CNBD1: variants seen among roughly 807,000 people sequenced by gnomAD.
CNBD1 encodes the protein cyclic nucleotide-binding domain-containing protein 1.
A neutral mutation model predicts 54.4 loss-of-function variants in CNBD1; 71 were observed. That is an observed-to-expected ratio of 1.30 (90% CI 1.08 to 1.59). CNBD1 has a LOEUF of 1.59. Among genes scored for constraint, CNBD1 ranks in the 40% most tolerant of loss-of-function variants. The probability of loss-of-function intolerance (pLI) is 0.00; values close to 1 mark genes in which losing one functional copy is unlikely to be tolerated. For missense variants in CNBD1, 659 were observed against 518.0 expected (o/e 1.27, Z -2.64); for synonymous variants, 182 against 170.7 (o/e 1.07, Z -0.51).
chr8:86,934,307 C>A (rs552223578), intron 3 of CNBD1, among the ~76,000 whole-genome samples: 7 of 152,098 alleles, frequency 4.6e-5, no homozygotes, highest in Non-Finnish European at 1.0e-4. Context: ...TGCCTTCGTG[C>A]ATTCATATGT....
chr8:86,904,585 A>C (rs1808988067), intron 2 of CNBD1, among the ~76,000 whole-genome samples: 1 of 152,062 alleles, frequency 6.6e-6, no homozygotes, highest in South Asian at 2.1e-4. Flanking sequence ...TACTTACAAA[A>C]AGCATCGTAG....
intron 6 of CNBD1, among the ~76,000 whole-genome samples, chr8:87,277,131 A>G (rs1026370998): frequency 4.6e-5 from 7 of 151,680 alleles, no homozygotes; most frequent in Non-Finnish European, 1.0e-4. Flanking sequence ...ATAAGGAATT[A>G]GCTCAGGTAA....
intron 4 of CNBD1, among the ~76,000 whole-genome samples, chr8:87,106,899 G>A (rs1284165096): frequency 6.6e-6 from 1 of 151,312 alleles, no homozygotes; most frequent in Admixed American, 6.6e-5. Context: ...GTGTGATCTC[G>A]GCTTACTGCA....
At chr8:87,379,139 C>T (rs1376425614) in intron 10 of CNBD1, among the ~76,000 whole-genome samples, 1 of 151,648 alleles carries the variant, frequency 6.6e-6, no homozygotes, top group Non-Finnish European at 1.5e-5. Context: ...AATTGAATAC[C>T]CTTTATTTCC....
rs1188268209 is a variant in CNBD1, at chr8:87,264,262, C to T, written c.772-20416C>T. 4.6e-5 allele frequency among the ~76,000 whole-genome samples: 7 copies of T among 151,044 alleles called. No individual in the cohort carries two copies. In the East Asian group the frequency reaches 9.9e-4, roughly 21 times the overall value. On this transcript the variant is annotated intron_variant, in intron 6 of 10. Transcript: ENST00000518476. ...AACATGTGGTGTTTGGTTTTTTTGTCCTTGCGATAGTTTGCTGAGAACGAT... is the reference window on the plus strand; with the variant it reads ...AACATGTGGTGTTTGGTTTTTTTGTTCTTGCGATAGTTTGCTGAGAACGAT...
intron 8 of CNBD1, among the ~76,000 whole-genome samples, chr8:87,349,633 C>T (rs940044681): frequency 2.6e-5 from 4 of 152,178 alleles, no homozygotes; most frequent in Non-Finnish European, 5.9e-5. Context: ...CCTCGGCCTC[C>T]CAAAGTGCTG....
chr8:87,105,387 C>G (rs1025249079), intron 4 of CNBD1, among the ~76,000 whole-genome samples: 2 of 152,052 alleles, frequency 1.3e-5, no homozygotes, highest in African/African-American at 4.8e-5. Context: ...ATATAGAAGA[C>G]ATGGAAATGT....
chr8:87,024,843 A>C (rs1809597679), intron 4 of CNBD1, among the ~76,000 whole-genome samples: 1 of 152,138 alleles, frequency 6.6e-6, no homozygotes, highest in African/African-American at 2.4e-5. Context: ...ACTACCTAAG[A>C]CTGTACAAAT....
chr8:87,328,692 G>T (rs1267002928), intron 8 of CNBD1, among the ~76,000 whole-genome samples: 1 of 151,602 alleles, frequency 6.6e-6, no homozygotes, highest in South Asian at 2.1e-4. Context: ...GATTACTTTG[G>T]GTATTTTGGA....
At chr8:87,298,469 C>T (rs912485549) in intron 8 of CNBD1, among the ~76,000 whole-genome samples, 2 of 149,344 alleles carry the variant, frequency 1.3e-5, no homozygotes, top group Non-Finnish European at 3.0e-5. Flanking sequence ...TCAAATGTGC[C>T]TTGGTTTCTT....
intron 10 of CNBD1, among the ~76,000 whole-genome samples, 166 bp from the exon 11 acceptor site, chr8:87,382,454 T>G (rs911121583): frequency 2.6e-5 from 4 of 152,038 alleles, no homozygotes; most frequent in Non-Finnish European, 5.9e-5. Context: ...GGGTGTAAAG[T>G]GTTACATTAT....
At chr8:87,059,162 A>C (rs1810490879) in intron 4 of CNBD1, among the ~76,000 whole-genome samples, 1 of 152,150 alleles carries the variant, frequency 6.6e-6, no homozygotes, top group African/African-American at 2.4e-5. Flanking sequence ...CAAAGCCTTG[A>C]CTTTATTGTC....
intron 10 of CNBD1, among the ~76,000 whole-genome samples, chr8:87,372,606 G>T (rs190561802): frequency 5.9e-5 from 9 of 151,920 alleles, no homozygotes; most frequent in Admixed American, 3.3e-4. Flanking sequence ...AAACATTGAT[G>T]ACATTGAAAA....
Position 87,166,570 on chromosome 8 carries a change from G to C in CNBD1, c.432-39423G>C, listed in dbSNP as rs1382752499. ...TGTTACACATGGCCTGAGGGATCTG[G>C]CCCAGCTCAGTTTCTCAATGTTCAT... On this transcript the variant is annotated intron_variant, in intron 4 of 10. Coordinates refer to ENST00000518476, the MANE Select transcript of CNBD1 (RefSeq NM_173538.3). This position sits in a 1 kb window ranked among gnomAD's most constrained non-coding sequence, Gnocchi z 4.3. 6.6e-6 allele frequency among the ~76,000 whole-genome samples: 1 copy of C among 151,876 alleles called. No individual in the cohort carries two copies. Among genetic ancestry groups the C allele is most frequent in the African/African-American group, 2.4e-5 (1 of 41,368 alleles).
intron 10 of CNBD1, among the ~76,000 whole-genome samples, chr8:87,381,330 A>T (rs1811068144): frequency 6.6e-6 from 1 of 152,084 alleles, no homozygotes; most frequent in Admixed American, 6.6e-5. Context: ...CCACAGTGAA[A>T]TATTACCTCA....
intron 8 of CNBD1, among the ~76,000 whole-genome samples, chr8:87,345,609 A>G (rs1458056293): frequency 6.6e-6 from 1 of 152,228 alleles, no homozygotes; most frequent in African/African-American, 2.4e-5. Flanking sequence ...ATAATCAACA[A>G]TAATTGTTCA....
intron 4 of CNBD1, among the ~76,000 whole-genome samples, chr8:87,156,757 TTC>T (rs894563016): frequency 2.6e-5 from 4 of 152,180 alleles, no homozygotes; most frequent in African/African-American, 9.7e-5. Flanking sequence ...AGGGCTCTCA[TTC>T]TCTTATTGTT....
chr8:87,330,168 C>T (rs1809791365), intron 8 of CNBD1, among the ~76,000 whole-genome samples: 1 of 148,788 alleles, frequency 6.7e-6, no homozygotes, highest in African/African-American at 2.5e-5. Flanking sequence ...TTTTAATGTT[C>T]ATAAGATCTG....
At chr8:86,988,635 A>G (rs1205174741) in intron 4 of CNBD1, among the ~76,000 whole-genome samples, 2 of 152,054 alleles carry the variant, frequency 1.3e-5, no homozygotes, top group Non-Finnish European at 2.9e-5. Flanking sequence ...TATTCATTCT[A>G]TCTAACTATA....
Sources: gnomAD v4.1 joint callset for allele counts (sites outside exome capture counted in the v4.1 genomes callset) on GRCh38, gnomAD v4.1.1 for gene constraint, Gnocchi (gnomAD v3.1) non-coding constraint, MANE v1.5 for transcripts, NCBI Gene and HGNC (gene_info 2026-07-23, HGNC 2026-07-21) for gene names.